DLG1: variants seen among roughly 807,000 people sequenced by gnomAD.
The protein encoded by DLG1 is disks large homolog 1.
A neutral mutation model predicts 123.4 loss-of-function variants in DLG1; 42 were observed. The ratio of observed to expected loss-of-function variants is 0.34; its 90% CI spans 0.27 to 0.44. DLG1 has a LOEUF of 0.44. Among genes scored for constraint, DLG1 ranks in the 20% least tolerant of loss-of-function variants. DLG1 has a pLI of 1.00. For missense variants in DLG1, 942 were observed against 1,082.6 expected (o/e 0.87, Z 1.82); for synonymous variants, 317 against 356.2 (o/e 0.89, Z 1.24).
intron 11 of DLG1, among the ~76,000 whole-genome samples, chr3:197,128,729 T>C (rs909017613): frequency 1.3e-5 from 2 of 152,222 alleles, no homozygotes; most frequent in African/African-American, 4.8e-5. Context: ...ACAGAGTGGA[T>C]GACAAGTTAG....
intron 13 of DLG1, among the ~76,000 whole-genome samples, chr3:197,110,565 G>A (rs1003027406): frequency 4.6e-5 from 7 of 151,876 alleles, no homozygotes; most frequent in African/African-American, 1.2e-4. Context: ...TTTTCTTTCC[G>A]CTTGTCTCAA....
chr3:197,214,915 T>G (rs1484013026), intron 4 of DLG1, among the ~76,000 whole-genome samples: 2 of 152,212 alleles, frequency 1.3e-5, no homozygotes, highest in African/African-American at 4.8e-5. Context: ...CACTTTTATC[T>G]GGGCATACCC....
At chr3:197,100,636 T>G (rs1762955341) in intron 14 of DLG1, among the ~76,000 whole-genome samples, 1 of 152,110 alleles carries the variant, frequency 6.6e-6, no homozygotes, top group African/African-American at 2.4e-5. Flanking sequence ...AGGTGAGAGA[T>G]TCCAAGAGTT....
At chr3:197,281,396 C>T (rs1330764529) in intron 4 of DLG1, among the ~76,000 whole-genome samples, 4 of 152,214 alleles carry the variant, frequency 2.6e-5, no homozygotes, top group Admixed American at 1.3e-4. Context: ...GTCCTCATGG[C>T]CTAATCACCT....
rs1775102183 is a variant in DLG1 at position 197,119,508 on chromosome 3, G to T, written c.1188C>A (p.Asn396Lys). 1.2e-6 allele frequency: 2 copies of T among 1,609,934 alleles called. No homozygotes were observed. The highest frequency in any genetic ancestry group is 1.3e-5 in the African/African-American group (1 of 74,902). ...ITNSSSQPVD[N>K]HVSPSSFLGQ... is the part of the protein sequence containing the mutation. ...CCAAGAAGGAAGATGGGCTAACATG[G>T]TTATCAACAGGCTGAGAAGAAGCTT... The change falls in exon 12 of 25, where the codon AAC becomes AAA. Residue 396 changes from asparagine (N) to lysine (K), a missense_variant. Asn to Lys is a moderately conservative substitution (Grantham distance 94, BLOSUM62 0). Transcript: ENST00000667157.
intron 16 of DLG1, among the ~76,000 whole-genome samples, chr3:197,082,231 G>A (rs1012157090): frequency 3.9e-5 from 6 of 152,122 alleles, no homozygotes; most frequent in Non-Finnish European, 7.4e-5. Flanking sequence ...TTAGCTGGGC[G>A]CAGTGGCGGG....
At chr3:197,078,686 A>G (rs754448120) in intron 17 of DLG1, among the ~76,000 whole-genome samples, 4 of 152,202 alleles carry the variant, frequency 2.6e-5, no homozygotes, top group Non-Finnish European at 4.4e-5. Context: ...GAAAGGAGAT[A>G]GACGAGAAAG....
chr3:197,100,464 G>C (rs906492515), intron 14 of DLG1, among the ~76,000 whole-genome samples: 1 of 152,020 alleles, frequency 6.6e-6, no homozygotes, highest in Non-Finnish European at 1.5e-5. Context: ...CCTAACCAAT[G>C]GGAAAGAGAA....
chr3:197,290,267 GT>G (rs1774182909), intron 3 of DLG1, among the ~76,000 whole-genome samples: 1 of 152,164 alleles, frequency 6.6e-6, no homozygotes, highest in African/African-American at 2.4e-5. Context: ...ACCTAGGAGT[GT>G]TACTGTTAGA....
chr3:197,255,342 A>C lies in DLG1; in HGVS notation c.318+27337T>G, dbSNP rs181289529. Among the ~76,000 whole-genome samples the C allele has an allele frequency of 6.7e-4, 102 of 152,318 alleles. No homozygotes were observed. In the Middle Eastern group the frequency reaches 0.02, roughly 30 times the overall value. On this transcript the variant is annotated intron_variant, in intron 4 of 24. Coordinates refer to ENST00000667157, the MANE Select transcript of DLG1 (RefSeq NM_001366207.1). ...ATTTAGTCAAAACGTAGGTTGCCTT[A>C]ATCACAGTGCTTATGAAAAAATGTA...
intron 5 of DLG1, among the ~76,000 whole-genome samples, chr3:197,155,584 G>C (rs1796020343): frequency 6.6e-6 from 1 of 151,728 alleles, no homozygotes; most frequent in Non-Finnish European, 1.5e-5. Flanking sequence ...TCTGCTTTTG[G>C]TTTTCCACAT....
At chr3:197,228,024 T>C (rs1255408987) in intron 4 of DLG1, among the ~76,000 whole-genome samples, 1 of 152,254 alleles carries the variant, frequency 6.6e-6, no homozygotes, top group South Asian at 2.1e-4. Context: ...TTCACTGCAG[T>C]GCCTCAGAGG....
At chr3:197,134,472 CAAAAA>C (rs11319273) in intron 10 of DLG1, among the ~76,000 whole-genome samples, 1 of 96,570 alleles carries the variant, frequency 1.0e-5, no homozygotes, top group Non-Finnish European at 2.1e-5. Context: ...TTCATAATAC[CAAAAA>C]AAAAAAAAAA....
At chr3:197,145,249 T>C (rs1790168470) in intron 6 of DLG1, among the ~76,000 whole-genome samples, 1 of 152,218 alleles carries the variant, frequency 6.6e-6, no homozygotes, top group Admixed American at 6.5e-5. Flanking sequence ...GTTATTTGCA[T>C]CATCTTGTTT....
chr3:197,176,668 A>T (rs181191962), intron 5 of DLG1, among the ~76,000 whole-genome samples: 179 of 152,064 alleles, frequency 1.2e-3, no homozygotes, highest in African/African-American at 4.2e-3. Context: ...GTGATATTCC[A>T]TTGTCTGAAT....
chr3:197,064,058 T>C (rs115709944), intron 22 of DLG1, among the ~76,000 whole-genome samples: 2,532 of 151,550 alleles, frequency 0.017, 61 homozygotes, highest in African/African-American at 0.058. Context: ...TAGCCAGGAT[T>C]ACAGGCATGC....
chr3:197,147,367 T>C (rs964470486), intron 6 of DLG1, among the ~76,000 whole-genome samples: 2 of 151,280 alleles, frequency 1.3e-5, no homozygotes, highest in Non-Finnish European at 2.9e-5. Flanking sequence ...CAATTCACAA[T>C]TGCAAAAATA....
intron 11 of DLG1, among the ~76,000 whole-genome samples, chr3:197,120,532 T>A (rs1775771865): frequency 6.6e-6 from 1 of 152,180 alleles, no homozygotes; most frequent in Admixed American, 6.5e-5. Flanking sequence ...TATGATAAAG[T>A]TACAAAGCAC....
intron 3 of DLG1, among the ~76,000 whole-genome samples, chr3:197,289,614 G>T (rs1171238177): frequency 6.6e-6 from 1 of 152,090 alleles, no homozygotes; most frequent in Non-Finnish European, 1.5e-5. Context: ...CTAAAAGCAA[G>T]TATGATTATT....
Sources: allele counts gnomAD v4.1 joint callset (sites outside exome capture counted in the v4.1 genomes callset), GRCh38; gene constraint gnomAD v4.1.1; transcripts MANE v1.5; gene names NCBI Gene and HGNC (gene_info 2026-07-23, HGNC 2026-07-21).